The following SLC35A1 variants were observed in gnomAD, a reference collection of about 807,000 sequenced individuals.
SLC35A1 encodes CMP-sialic acid transporter.
In SLC35A1, 21 loss-of-function variants were observed where a neutral mutation model predicts 40.3. The ratio of observed to expected loss-of-function variants is 0.52; its 90% CI spans 0.37 to 0.75. SLC35A1 has a LOEUF of 0.75. SLC35A1 is among the 30% of genes least tolerant of loss of function. The probability of loss-of-function intolerance (pLI) is 0.00; values close to 1 mark genes in which losing one functional copy is unlikely to be tolerated. For synonymous variants in SLC35A1, 146 were observed against 147.3 expected (o/e 0.99, Z 0.06); for missense variants, 297 against 382.1 (o/e 0.78, Z 1.86).
chr6:87,500,362 T>C, intron 2 of SLC35A1, 146 bp from the exon 3 acceptor site: 5 of 778,922 alleles, frequency 6.4e-6, no homozygotes, highest in Non-Finnish European at 1.1e-5. Context: ...ATGTTTCTTT[T>C]AATCTAAAAC....
intron 5 of SLC35A1, 68 bp downstream of exon 5, chr6:87,506,516 G>A (rs1770088039): frequency 2.5e-6 from 3 of 1,218,624 alleles, no homozygotes; most frequent in Non-Finnish European, 3.7e-6. Flanking sequence ...TTAGACACCA[G>A]TCTAGTTTAT....
intron 2 of SLC35A1, among the ~76,000 whole-genome samples, chr6:87,481,555 A>T (rs1454329231): frequency 6.6e-6 from 1 of 152,140 alleles, no homozygotes; most frequent in Non-Finnish European, 1.5e-5. Flanking sequence ...GCCAAACACC[A>T]TTTTATATTT....
intron 1 of SLC35A1, among the ~76,000 whole-genome samples, chr6:87,474,807 C>T (rs1769021301): frequency 6.6e-6 from 1 of 152,146 alleles, no homozygotes. Flanking sequence ...TACCCTTCCA[C>T]TTAGATCAGT....
chr6:87,493,230 C>A (rs1769606620), intron 2 of SLC35A1, among the ~76,000 whole-genome samples: 1 of 152,098 alleles, frequency 6.6e-6, no homozygotes, highest in East Asian at 1.9e-4. Flanking sequence ...TAAACAGTTT[C>A]TTTTTAGCAT....
intron 1 of SLC35A1, 69 bp from the exon 2 acceptor site, chr6:87,477,293 A>G: frequency 7.7e-7 from 1 of 1,294,494 alleles, no homozygotes; most frequent in Non-Finnish European, 1.1e-6. Flanking sequence ...TTAGGCTATA[A>G]CTAGTTTATT....
chr6:87,489,635 A>G (rs1426659168), intron 2 of SLC35A1, among the ~76,000 whole-genome samples: 6 of 148,182 alleles, frequency 4.0e-5, no homozygotes, highest in Non-Finnish European at 5.9e-5. Flanking sequence ...TCCGCCTCCA[A>G]GGTTCAAGCG....
At chr6:87,510,064 T>C (rs1051924652) in intron 7 of SLC35A1, among the ~76,000 whole-genome samples, 3 of 152,246 alleles carry the variant, frequency 2.0e-5, no homozygotes, top group African/African-American at 7.2e-5. Flanking sequence ...GCCTGTACCA[T>C]TTCTTAACTG....
chr6:87,485,700 A>C (rs911773836), intron 2 of SLC35A1, among the ~76,000 whole-genome samples: 1 of 152,114 alleles, frequency 6.6e-6, no homozygotes, highest in Non-Finnish European at 1.5e-5. Context: ...GAGGACCTGC[A>C]GTGAGCCATG....
rs113050952 is a variant in SLC35A1 at position 87,509,033 on chromosome 6, T to C, written c.752-8T>C. The C allele has an allele frequency of 6.2e-7, 1 of 1,613,932 alleles. No individual in the cohort carries two copies. Among genetic ancestry groups the C allele is most frequent in the Non-Finnish European group, 8.5e-7 (1 of 1,179,778 alleles). On this transcript the variant is annotated splice_polypyrimidine_tract_variant and splice_region_variant and intron_variant, in intron 6 of 7. Transcript: ENST00000369552. ...AGTGATAAGATTTTATTTCTCTCTGTATACAAGTTCTTGCAAGTGTTGGTG... is the reference window on the plus strand; with the variant it reads ...AGTGATAAGATTTTATTTCTCTCTGCATACAAGTTCTTGCAAGTGTTGGTG...
intron 1 of SLC35A1, among the ~76,000 whole-genome samples, chr6:87,474,488 C>T (rs964960613): frequency 1.3e-5 from 2 of 152,204 alleles, no homozygotes. Context: ...TAAGATGTGG[C>T]TGCCAGTTGA....
At chr6:87,486,963 G>A (rs1362158315) in intron 2 of SLC35A1, among the ~76,000 whole-genome samples, 1 of 151,968 alleles carries the variant, frequency 6.6e-6, no homozygotes, top group Non-Finnish European at 1.5e-5. Context: ...GATCACTTGA[G>A]GTCAGGAGTT....
chr6:87,511,218 C>T (rs570398888), intron 7 of SLC35A1, among the ~76,000 whole-genome samples, 181 bp from the exon 8 acceptor site: 9 of 152,036 alleles, frequency 5.9e-5, no homozygotes, highest in South Asian at 2.1e-4. Flanking sequence ...TGATTTTACC[C>T]GCCCTGCCTC....
At chr6:87,480,580 A>G (rs1329177489) in intron 2 of SLC35A1, among the ~76,000 whole-genome samples, 1 of 152,136 alleles carries the variant, frequency 6.6e-6, no homozygotes, top group Non-Finnish European at 1.5e-5. Context: ...TTTATTTCGT[A>G]GGTTTGTGAA....
chr6:87,497,135 TCTC>T (rs980803597), intron 2 of SLC35A1, among the ~76,000 whole-genome samples: 6 of 152,070 alleles, frequency 3.9e-5, no homozygotes, highest in Admixed American at 3.3e-4. Context: ...ACCTCCTAAA[TCTC>T]CTCTACTTTC....
chr6:87,508,543 T>A lies in SLC35A1; in HGVS notation c.698T>A (p.Ile233Asn). The A allele has an allele frequency of 6.2e-7, 1 of 1,613,274 alleles. No individual in the cohort carries two copies. The highest frequency in any genetic ancestry group is 8.5e-7 in the Non-Finnish European group (1 of 1,179,602). The change falls in exon 6 of 8, where the codon ATT becomes AAT. Residue 233 changes from isoleucine to asparagine, a missense_variant. By Grantham distance (149) the Ile-to-Asn change is moderately radical. Transcript: ENST00000369552. ...GTCTACTTGTCAGATGGAGCTGAAA[T>A]TAAAGAAAAAGGATTTTTCTATGGT... ...AGVYLSDGAE[I>N]KEKGFFYGYT...
At chr6:87,501,001 C>T (rs1439608373) in intron 3 of SLC35A1, among the ~76,000 whole-genome samples, 157 bp from the exon 4 acceptor site, 1 of 152,142 alleles carries the variant, frequency 6.6e-6, no homozygotes, top group African/African-American at 2.4e-5. Context: ...CCACCCGCCT[C>T]GGCCTCCCAA....
intron 2 of SLC35A1, among the ~76,000 whole-genome samples, chr6:87,487,436 CT>C (rs1003194167): frequency 2.6e-5 from 4 of 152,164 alleles, no homozygotes; most frequent in African/African-American, 9.7e-5. Context: ...GGGTAGTTTC[CT>C]GTGAGCAACT....
At chr6:87,503,193 A>T (rs1769972117) in intron 4 of SLC35A1, among the ~76,000 whole-genome samples, 1 of 152,064 alleles carries the variant, frequency 6.6e-6, no homozygotes, top group Non-Finnish European at 1.5e-5. Context: ...ATCATCTCTC[A>T]TAGTTTTTAT....
intron 5 of SLC35A1, among the ~76,000 whole-genome samples, chr6:87,507,362 G>A (rs1323195381): frequency 6.6e-6 from 1 of 152,104 alleles, no homozygotes; most frequent in East Asian, 1.9e-4. Context: ...CAAAAATTGA[G>A]TTACCTAAAA....
Sources: gnomAD v4.1 joint callset for allele counts (sites outside exome capture counted in the v4.1 genomes callset) on GRCh38, gnomAD v4.1.1 for gene constraint, MANE v1.5 for transcripts, NCBI Gene and HGNC (gene_info 2026-07-23, HGNC 2026-07-21) for gene names.